The following NSMF variants were observed in gnomAD, a reference collection of about 807,000 sequenced individuals.
NSMF encodes the protein nasal embryonic LHRH factor.
A neutral mutation model predicts 71.0 loss-of-function variants in NSMF; 31 were observed. The ratio of observed to expected loss-of-function variants is 0.44; its 90% CI spans 0.33 to 0.59. The LOEUF is 0.59. Ranked by LOEUF, NSMF falls within the 20% of genes least tolerant of loss-of-function variation. NSMF has a pLI of 0.04. For missense variants in NSMF, 673 were observed against 740.5 expected, an observed-to-expected ratio of 0.91 and a Z score of 1.06; for synonymous variants, 345 against 287.1, an observed-to-expected ratio of 1.20 and a Z score of -2.04.
chr9:137,455,485 C>T (rs890309440), intron 5 of NSMF, 144 bp downstream of exon 5: 34 of 1,180,036 alleles, frequency 2.9e-5, no homozygotes, highest in Middle Eastern at 1.9e-4. Flanking sequence ...GCTGCGACCT[C>T]GGTGCCCGCT....
rs1294862893 is a variant in NSMF, at chr9:137,450,192, C to T, written c.1300G>A (p.Glu434Lys). Reference protein sequence around the residue: ...KVATFAKVEKEEDMIHFWKRL... With the variant: ...KVATFAKVEKKEDMIHFWKRL... ...GCTTCTCACTGAATCATGTCCTCTT[C>T]CTTCTCCACTTTGGCAAAGGTGGCC... Residue 434 changes from glutamate to lysine, a missense_variant, in exon 13 of 16, where the codon GAA (glutamate) becomes AAA (lysine). Transcript: ENST00000371475. The T allele has an allele frequency of 1.2e-6, 2 of 1,613,432 alleles. No homozygotes were observed. The highest frequency in any genetic ancestry group is 3.3e-5 in the Admixed American group (2 of 60,006).
Position 137,452,795 on chromosome 9 carries a change from C to T in NSMF, c.1072G>A (p.Ala358Thr). Residue 358 changes from alanine (A) to threonine (T), a missense_variant, in exon 10 of 16, where the codon GCT (alanine) becomes ACT (threonine). By Grantham distance (58) the Ala-to-Thr change is moderately conservative. Transcript: ENST00000371475. ...VMLISSKVPK[A>T]EYIPTIIRRD... ...CGGATGATAGTGGGGATGTACTCAG[C>T]CTTGGGCACCTTGGAGGAAATGAGC... 1 of 1,604,210 alleles carries T rather than the reference C, an allele frequency of 6.2e-7. No homozygotes were observed. Among genetic ancestry groups the T allele is most frequent in the Non-Finnish European group, 8.5e-7 (1 of 1,176,684 alleles).
chr9:137,458,696 C>T, intron 1 of NSMF, 147 bp from the exon 2 acceptor site: 1 of 822,034 alleles, frequency 1.2e-6, no homozygotes, highest in Admixed American at 2.0e-5. Context: ...AGCCCACACA[C>T]CCTTGGTCCT....
intron 9 of NSMF, 58 bp downstream of exon 9, chr9:137,452,998 G>C (rs114999343): frequency 1.2e-6 from 2 of 1,607,712 alleles, no homozygotes; most frequent in Non-Finnish European, 1.7e-6. Context: ...GGCTGGACTC[G>C]GGTTGGGGCG....
chr9:137,455,009 G>A, intron 6 of NSMF: 1 of 724,706 alleles, frequency 1.4e-6, no homozygotes. Context: ...CTTGCTGCTG[G>A]CCCCAGCCCA....
intron 2 of NSMF, 132 bp from the exon 3 acceptor site, chr9:137,458,033 G>A: frequency 1.5e-6 from 2 of 1,299,872 alleles, no homozygotes; most frequent in East Asian, 2.5e-5. Context: ...CCAAACCCTA[G>A]TCACTGGCGT....
chr9:137,452,528 G>A, intron 11 of NSMF, 25 bp downstream of exon 11: 1 of 1,612,594 alleles, frequency 6.2e-7, no homozygotes. Context: ...GGAACCAGCA[G>A]AGAGAAGGCC....
chr9:137,449,619 G>A lies in NSMF; in HGVS notation c.1475C>T (p.Pro492Leu). 1 of 1,612,626 alleles carries A rather than the reference G, an allele frequency of 6.2e-7. No individual in the cohort carries two copies. Among genetic ancestry groups the A allele is most frequent in the Non-Finnish European group, 8.5e-7 (1 of 1,179,794 alleles). ...CTCACCTTGGGCTGAGAGCTCCAGG[G>A]GTGACTCGAAGGTGACCCTATAAGG... is the stretch of plus-strand genomic sequence containing the variant. ...MTPYRVTFES[P>L]LELSAQGKQM... The change falls in exon 15 of 16, where the codon CCC becomes CTC. Residue 492 changes from proline to leucine, a missense_variant. Coordinates refer to ENST00000371475, the MANE Select transcript of NSMF (RefSeq NM_001130969.3).
At chr9:137,452,882 G>A (rs769903307) in intron 9 of NSMF, 63 bp from the exon 10 acceptor site, 144 of 1,547,474 alleles carry the variant, frequency 9.3e-5, no homozygotes, top group Middle Eastern at 1.8e-4. Context: ...GGCTGTGGGA[G>A]CCCCCATGAG....
intron 1 of NSMF, 26 bp from the exon 2 acceptor site, chr9:137,458,575 A>G: frequency 6.3e-7 from 1 of 1,575,908 alleles, no homozygotes; most frequent in South Asian, 1.2e-5. Flanking sequence ...GGGCACGGTC[A>G]GAGGCCACGG....
At chr9:137,457,375 A>G in intron 3 of NSMF, 32 bp downstream of exon 3, 1 of 1,612,658 alleles carries the variant, frequency 6.2e-7, no homozygotes, top group Non-Finnish European at 8.5e-7. Context: ...TGCACCCCCA[A>G]ACCTGTCTAT....
In NSMF at chr9:137,453,950, G is replaced by T; in HGVS notation, c.833-130C>A. ...AATGTGGGTGGGGTCTAAGGCACAT[G>T]AAGCAGACACGGACCAGAGGCTCGG... On this transcript the variant is annotated intron_variant, in intron 7 of 15. Coordinates refer to ENST00000371475, the MANE Select transcript of NSMF (RefSeq NM_001130969.3). The surrounding 1 kb of genome is among the most constrained non-coding windows in gnomAD (Gnocchi z 4.5). The T allele has an allele frequency of 1.4e-6, 1 of 725,152 alleles. No individual in the cohort carries two copies. Among genetic ancestry groups the T allele is most frequent in the Non-Finnish European group, 2.3e-6 (1 of 427,534 alleles). The allele number at this position is 725,152 out of a possible 1,614,324, so 44.9% of individuals were successfully genotyped here.
At chr9:137,457,238 G>A (rs1038484553) in intron 3 of NSMF, among the ~76,000 whole-genome samples, 169 bp downstream of exon 3, 3 of 152,218 alleles carry the variant, frequency 2.0e-5, no homozygotes, top group African/African-American at 7.2e-5. Context: ...ACAGCTCATA[G>A]GGTGTGGAGG....
Position 137,457,645 on chromosome 9 carries a change from C to G in NSMF, c.390G>C (p.Arg130=). 1 of 1,548,952 alleles carries G rather than the reference C, an allele frequency of 6.5e-7. No homozygotes were observed. Among genetic ancestry groups the G allele is most frequent in the East Asian group, 2.4e-5 (1 of 40,884 alleles). Residue 130 remains arginine, a synonymous_variant, in exon 3 of 16, where the codon CGG becomes CGC. Coordinates refer to ENST00000371475, the MANE Select transcript of NSMF (RefSeq NM_001130969.3). ...ELAVVKGRRQ[R]HPHHHSQPLR... ...GGGGCTGGCTGTGATGGTGAGGGTGCCGCTGCCGCCGCCCCTTCACCACCG... is the reference window on the plus strand; with the variant it reads ...GGGGCTGGCTGTGATGGTGAGGGTGGCGCTGCCGCCGCCCCTTCACCACCG...
Position 137,458,995 on chromosome 9 carries a change from A to G in NSMF, c.71+37T>C, listed in dbSNP as rs781313038. 1.7e-3 allele frequency: 2,161 copies of G among 1,264,938 alleles called. 24 individuals are homozygous for G. In the African/African-American group the frequency reaches 0.021, roughly 12 times the overall value. 78.4% of individuals were successfully genotyped at this position (1,264,938 alleles called of 1,614,324 possible). A position where few individuals can be genotyped will look rare whatever the true frequency, so the allele number is the denominator to read the frequency against. Reference sequence around the variant, plus strand: ...CGGACTCGGGCGGGGTCGGAGGTCCAGGGCGGGGTGCGGGAAGGCGGCCCC... The same window carrying G: ...CGGACTCGGGCGGGGTCGGAGGTCCGGGGCGGGGTGCGGGAAGGCGGCCCC... On this transcript the variant is annotated intron_variant, in intron 1 of 15. Coordinates refer to ENST00000371475, the MANE Select transcript of NSMF (RefSeq NM_001130969.3).
chr9:137,456,367 G>A (rs755221745), intron 4 of NSMF, 44 bp downstream of exon 4: 2 of 1,481,360 alleles, frequency 1.4e-6, no homozygotes, highest in Non-Finnish European at 1.9e-6. Context: ...GCAGCAGAAA[G>A]AGACCACCCA....
rs1302146067 is a variant in NSMF at position 137,452,736 on chromosome 9, G to T, written c.1131C>A (p.Tyr377Ter). 6.2e-7 allele frequency: 1 copy of T among 1,606,080 alleles called. No individual in the cohort carries two copies. The highest frequency in any genetic ancestry group is 8.5e-7 in the Non-Finnish European group (1 of 1,177,368). Residue 377 changes from tyrosine to a stop codon, truncating the protein, a stop_gained and splice_region_variant, in exon 10 of 16, where the codon TAC (tyrosine) becomes TAA (stop). Coordinates refer to ENST00000371475, the MANE Select transcript of NSMF (RefSeq NM_001130969.3). LOFTEE classifies it high-confidence loss of function. ...RDDPSIIPIL[Y>*]DHEHATFEDI... is the part of the protein sequence containing the mutation. ...GGGGCAGGCCCGGGGCGGGACTCAC[G>T]TAGAGGATGGGGATGATGGAGGGGT... is the stretch of plus-strand genomic sequence containing the variant.
At chr9:137,452,923 G>T in intron 9 of NSMF, 104 bp from the exon 10 acceptor site, 2 of 1,554,692 alleles carry the variant, frequency 1.3e-6, no homozygotes. Flanking sequence ...CAGCCCAAGG[G>T]TATAGCCCTG....
chr9:137,457,926 G>A (rs776095524), intron 2 of NSMF, 25 bp from the exon 3 acceptor site: 10 of 1,537,912 alleles, frequency 6.5e-6, no homozygotes, highest in Non-Finnish European at 8.7e-6. Flanking sequence ...GAGTGAGCCT[G>A]CCTGCCGCGT....
Sources: allele counts gnomAD v4.1 joint callset (sites outside exome capture counted in the v4.1 genomes callset), GRCh38; gene constraint gnomAD v4.1.1; non-coding constraint Gnocchi (gnomAD v3.1); transcripts MANE v1.5; gene names NCBI Gene and HGNC (gene_info 2026-07-23, HGNC 2026-07-21).